AGPAT4: variants seen among roughly 807,000 people sequenced by gnomAD.
The protein encoded by AGPAT4 is 1-acyl-sn-glycerol-3-phosphate acyltransferase delta.
AGPAT4 carries 15 observed loss-of-function variants against 48.0 expected under a neutral mutation model. That is an observed-to-expected ratio of 0.31 (90% confidence interval 0.21 to 0.48). AGPAT4 has a LOEUF of 0.48. Ranked by LOEUF, AGPAT4 falls within the 20% of genes least tolerant of loss-of-function variation. AGPAT4 has a pLI of 0.99. For synonymous variants in AGPAT4, 178 were observed against 198.7 expected (o/e 0.90, Z 0.88); for missense variants, 314 against 482.5 (o/e 0.65, Z 3.27).
At position 161,136,100 on chromosome 6, in the gene AGPAT4, T is replaced by A. The variant is rs1400768681; in HGVS notation, c.*440A>T. On this transcript the variant is annotated 3_prime_UTR_variant, in exon 9 of 9. Coordinates refer to ENST00000320285, the MANE Select transcript of AGPAT4 (RefSeq NM_020133.3). ...GACCCAGAAAAGCACTTTAATTTTTTTTTCTTGGAGGCATAATTTAGTCAT... is the reference window on the plus strand; with the variant it reads ...GACCCAGAAAAGCACTTTAATTTTTATTTCTTGGAGGCATAATTTAGTCAT... The A allele has an allele frequency of 5.9e-6, 1 of 168,738 alleles. No individual in the cohort carries two copies. Among genetic ancestry groups the A allele is most frequent in the Non-Finnish European group, 1.3e-5 (1 of 78,472 alleles). The allele number at this position is 168,738 out of a possible 1,614,324, so 10.5% of individuals were successfully genotyped here.
Position 161,242,845 on chromosome 6 carries a change from C to A in AGPAT4, c.-89-10543G>T, listed in dbSNP as rs12207417. Among the ~76,000 whole-genome samples the A allele has an allele frequency of 0.24, 36,400 of 151,946 alleles. 5,458 individuals carry two copies. The highest frequency in any genetic ancestry group is 0.43 in the African/African-American group (17,944 of 41,396). ...CAGCACTTTGGGAGGGGGTGGGTGG[C>A]TCACCTGAGGTCAGGAGATCGAGGC... On this transcript the variant is annotated intron_variant, in intron 1 of 8. Coordinates refer to ENST00000320285, the MANE Select transcript of AGPAT4 (RefSeq NM_020133.3). This position sits in a 1 kb window ranked among gnomAD's most constrained non-coding sequence, Gnocchi z 5.0.
intron 1 of AGPAT4, among the ~76,000 whole-genome samples, chr6:161,271,421 G>T (rs971594123): frequency 2.0e-5 from 3 of 152,116 alleles, no homozygotes; most frequent in African/African-American, 7.2e-5. Context: ...TTCGCCACCC[G>T]TTTGGTGGAT....
At chr6:161,258,262 A>G (rs1165012292) in intron 1 of AGPAT4, among the ~76,000 whole-genome samples, 4 of 152,230 alleles carry the variant, frequency 2.6e-5, no homozygotes, top group Admixed American at 6.5e-5. Flanking sequence ...GGCTGCAATA[A>G]CGGAAGTAAC....
intron 1 of AGPAT4, among the ~76,000 whole-genome samples, chr6:161,271,811 C>T (rs1378662828): frequency 6.6e-6 from 1 of 152,204 alleles, no homozygotes; most frequent in Non-Finnish European, 1.5e-5. Flanking sequence ...AGAGAACCGA[C>T]ATCGCAGACT....
Position 161,195,418 on chromosome 6 carries a change from C to T in AGPAT4, c.179-29001G>A, listed in dbSNP as rs1413870572. Among the ~76,000 whole-genome samples the T allele has an allele frequency of 6.6e-6, 1 of 152,192 alleles. No homozygotes were observed. The highest frequency in any genetic ancestry group is 1.5e-5 in the Non-Finnish European group (1 of 68,034). On this transcript the variant is annotated intron_variant, in intron 2 of 8. Transcript: ENST00000320285. This position sits in a 1 kb window ranked among gnomAD's most constrained non-coding sequence, Gnocchi z 5.0. The stretch of plus-strand genomic sequence containing the variant: ...TATATGGCATGACCTGCAAGGAATG[C>T]TTCCATCATTCCAAGATTTAAAGCC...
rs1253595792 is a variant in AGPAT4, at chr6:161,226,562, C to G, written c.178+5474G>C. 1.3e-5 allele frequency among the ~76,000 whole-genome samples: 2 copies of G among 152,206 alleles called. No homozygotes were observed. The highest frequency in any genetic ancestry group is 1.3e-4 in the Admixed American group (2 of 15,282). On this transcript the variant is annotated intron_variant, in intron 2 of 8. Coordinates refer to ENST00000320285, the MANE Select transcript of AGPAT4 (RefSeq NM_020133.3). The surrounding 1 kb of genome is among the most constrained non-coding windows in gnomAD (Gnocchi z 6.3). Reference sequence around the variant, plus strand: ...GGGGTGGCCCACACCCAGTTGTTGCCTGGTCAAGTTGACAAACATCAGGAA... The same window carrying G: ...GGGGTGGCCCACACCCAGTTGTTGCGTGGTCAAGTTGACAAACATCAGGAA...
chr6:161,161,110 G>T lies in AGPAT4; in HGVS notation c.348+5138C>A. On this transcript the variant is annotated intron_variant, in intron 3 of 8. Transcript: ENST00000320285. This position sits in a 1 kb window ranked among gnomAD's most constrained non-coding sequence, Gnocchi z 4.6. ...CGTTTGCTGAGGGCTGCGCACAGAG[G>T]AGGAGGAAGCCCCAAGCTTTCAACA... The T allele has an allele frequency of 2.2e-6, 1 of 456,734 alleles. No individual in the cohort carries two copies. Among genetic ancestry groups the T allele is most frequent in the Non-Finnish European group, 4.4e-6 (1 of 226,972 alleles). The allele number at this position is 456,734 out of a possible 1,614,324, so 28.3% of individuals were successfully genotyped here.
At position 161,222,461 on chromosome 6, in the gene AGPAT4, G is replaced by A. The variant is rs1185632151; in HGVS notation, c.178+9575C>T. On this transcript the variant is annotated intron_variant, in intron 2 of 8. Transcript: ENST00000320285. The surrounding 1 kb of genome is among the most constrained non-coding windows in gnomAD (Gnocchi z 5.9). ...ATATTTATAAAATTGGTATTAGAAT[G>A]TACCAAGAGTTTTGTATTGTGCTAT... is the stretch of plus-strand genomic sequence containing the variant. Among the ~76,000 whole-genome samples the A allele has an allele frequency of 2.6e-5, 4 of 152,088 alleles. No homozygotes were observed. Among genetic ancestry groups the A allele is most frequent in the Admixed American group, 2.6e-4 (4 of 15,262 alleles).
rs1452064416 is a variant in AGPAT4, at chr6:161,202,598, C to T, written c.178+29438G>A. On this transcript the variant is annotated intron_variant, in intron 2 of 8. Coordinates refer to ENST00000320285, the MANE Select transcript of AGPAT4 (RefSeq NM_020133.3). This position sits in a 1 kb window ranked among gnomAD's most constrained non-coding sequence, Gnocchi z 5.4. ...TTTAAAAATTACCATCTATAACAGA[C>T]TGTATTTTCCAAAGATGGCTACAAT... 6.6e-6 allele frequency among the ~76,000 whole-genome samples: 1 copy of T among 152,160 alleles called. No homozygotes were observed. Among genetic ancestry groups the T allele is most frequent in the East Asian group, 1.9e-4 (1 of 5,188 alleles).
chr6:161,263,091 A>G (rs1410333195), intron 1 of AGPAT4, among the ~76,000 whole-genome samples: 3 of 147,852 alleles, frequency 2.0e-5, no homozygotes, highest in East Asian at 4.0e-4. Context: ...AAAGGCAGAC[A>G]TATTCTCGGC....
Position 161,149,071 on chromosome 6 carries a change from C to T in AGPAT4, c.767+116G>A. ...TGTGTCAAATTCAATGCAAAACAGA[C>T]TGCAAAGAAGTCAGTGTGACCCAGG... is the stretch of plus-strand genomic sequence containing the variant. On this transcript the variant is annotated intron_variant, in intron 6 of 8. Coordinates refer to ENST00000320285, the MANE Select transcript of AGPAT4 (RefSeq NM_020133.3). The surrounding 1 kb of genome is among the most constrained non-coding windows in gnomAD (Gnocchi z 6.5). 1 of 1,357,150 alleles carries T rather than the reference C, an allele frequency of 7.4e-7. No individual in the cohort carries two copies. Among genetic ancestry groups the T allele is most frequent in the South Asian group, 1.5e-5 (1 of 65,264 alleles). The allele number at this position is 1,357,150 out of a possible 1,614,324, so 84.1% of individuals were successfully genotyped here.
chr6:161,193,020 T>C (rs913890887), intron 2 of AGPAT4, among the ~76,000 whole-genome samples: 3 of 152,206 alleles, frequency 2.0e-5, no homozygotes, highest in Non-Finnish European at 4.4e-5. Flanking sequence ...TTTTCTTTTA[T>C]TTTCCGTGGG....
chr6:161,176,327 G>A (rs4709499), intron 2 of AGPAT4, among the ~76,000 whole-genome samples: 4,907 of 152,222 alleles, frequency 0.032, 241 homozygotes, highest in East Asian at 0.23. Flanking sequence ...CTCCTGTATT[G>A]GGTGCATATA....
intron 2 of AGPAT4, among the ~76,000 whole-genome samples, chr6:161,190,041 G>A (rs994728036): frequency 2.6e-5 from 4 of 152,146 alleles, no homozygotes; most frequent in East Asian, 1.9e-4. Context: ...GAATTAAAAC[G>A]AAACAGGGTG....
rs928403304 is a variant in AGPAT4 at position 161,267,987 on chromosome 6, G to T, written c.-90+5951C>A. 1.3e-5 allele frequency among the ~76,000 whole-genome samples: 2 copies of T among 152,206 alleles called. No individual in the cohort carries two copies. The highest frequency in any genetic ancestry group is 2.9e-5 in the Non-Finnish European group (2 of 68,032). ...GAGACAGACTGTGGAATATGCCATGGCAAGGTGTGAAGGTACAGGGGAAAG... is the reference window on the plus strand; with the variant it reads ...GAGACAGACTGTGGAATATGCCATGTCAAGGTGTGAAGGTACAGGGGAAAG... On this transcript the variant is annotated intron_variant, in intron 1 of 8. Transcript: ENST00000320285. This position sits in a 1 kb window ranked among gnomAD's most constrained non-coding sequence, Gnocchi z 5.2.
Position 161,137,090 on chromosome 6 carries a change from T to C in AGPAT4, c.1043-456A>G, listed in dbSNP as rs1779091490. ...GCCCAACACGTTTCAGCACTGCTTT[T>C]GGTGCAAGCGTTAGAGCAGTGAGAA... On this transcript the variant is annotated intron_variant, in intron 8 of 8. Coordinates refer to ENST00000320285, the MANE Select transcript of AGPAT4 (RefSeq NM_020133.3). The surrounding 1 kb of genome is among the most constrained non-coding windows in gnomAD (Gnocchi z 6.1). Among the ~76,000 whole-genome samples the C allele has an allele frequency of 6.6e-6, 1 of 152,210 alleles. No homozygotes were observed. Among genetic ancestry groups the C allele is most frequent in the African/African-American group, 2.4e-5 (1 of 41,462 alleles).
chr6:161,175,403 C>G (rs1453125234), intron 2 of AGPAT4, among the ~76,000 whole-genome samples: 3 of 152,148 alleles, frequency 2.0e-5, no homozygotes, highest in Non-Finnish European at 1.5e-5. Flanking sequence ...AGGAATTCAT[C>G]CATTTCTTCT....
In AGPAT4 at chr6:161,273,688, G is replaced by C. The variant is rs367659473; in HGVS notation, c.-90+250C>G. Among the ~76,000 whole-genome samples, 26 of 152,082 alleles carry C rather than the reference G, an allele frequency of 1.7e-4. No individual in the cohort carries two copies. The East Asian group carries it at 3.3e-3, about 19-fold the overall frequency. On this transcript the variant is annotated intron_variant, in intron 1 of 8. Transcript: ENST00000320285. ...AGCTTGAAATCACAGCCCAGAAAGG[G>C]ACGCTCACCCGGCCCAGCACAAAGC...
chr6:161,199,672 G>A (rs1781169536), intron 2 of AGPAT4, among the ~76,000 whole-genome samples: 2 of 152,150 alleles, frequency 1.3e-5, no homozygotes, highest in Admixed American at 1.3e-4. Context: ...CCCCCTTGCT[G>A]TTCTCGTGAC....
Sources: allele counts gnomAD v4.1 joint callset (sites outside exome capture counted in the v4.1 genomes callset), GRCh38; gene constraint gnomAD v4.1.1; non-coding constraint Gnocchi (gnomAD v3.1); transcripts MANE v1.5; gene names NCBI Gene and HGNC (gene_info 2026-07-23, HGNC 2026-07-21).